The following SHROOM3 variants were observed in gnomAD, a reference collection of about 807,000 sequenced individuals.
SHROOM3 encodes shroom family member 3.
A neutral mutation model predicts 138.6 loss-of-function variants in SHROOM3; 47 were observed. The ratio of observed to expected loss-of-function variants is 0.34; its 90% CI spans 0.27 to 0.43. The LOEUF is 0.43. Ranked by LOEUF, SHROOM3 falls within the 20% of genes least tolerant of loss-of-function variation. SHROOM3 has a pLI of 1.00. For missense variants in SHROOM3, 2,491 were observed against 2,596.5 expected (o/e 0.96, Z 0.88); for synonymous variants, 1,062 against 1,063.3 (o/e 1.00, Z 0.02).
chr4:76,548,313 C>T (rs1019562277), intron 1 of SHROOM3, among the ~76,000 whole-genome samples: 1 of 152,132 alleles, frequency 6.6e-6, no homozygotes, highest in Non-Finnish European at 1.5e-5. Context: ...GGGAGGACTG[C>T]GGTTTCTCTT....
intron 1 of SHROOM3, among the ~76,000 whole-genome samples, chr4:76,450,360 A>G (rs1248558488): frequency 1.3e-5 from 2 of 152,214 alleles, no homozygotes; most frequent in Admixed American, 6.5e-5. Context: ...TAGAGTTACC[A>G]TATCACCCAA....
chr4:76,581,441 T>C (rs1462264345), intron 2 of SHROOM3, among the ~76,000 whole-genome samples: 1 of 152,220 alleles, frequency 6.6e-6, no homozygotes, highest in Non-Finnish European at 1.5e-5. Context: ...ATAAGTGGTT[T>C]ATGTCCTACA....
intron 1 of SHROOM3, among the ~76,000 whole-genome samples, chr4:76,456,260 C>T (rs976566684): frequency 1.3e-5 from 2 of 152,228 alleles, no homozygotes; most frequent in African/African-American, 4.8e-5. Flanking sequence ...CTGCCTCGGC[C>T]TCCCAAAGTG....
At chr4:76,656,248 T>C (rs1362157367) in intron 2 of SHROOM3, among the ~76,000 whole-genome samples, 1 of 152,174 alleles carries the variant, frequency 6.6e-6, no homozygotes, top group Non-Finnish European at 1.5e-5. Context: ...TTCCATCCCA[T>C]AGTATAAGCA....
intron 8 of SHROOM3, chr4:76,758,320 C>G (rs1721887096): frequency 1.3e-5 from 2 of 152,174 alleles, no homozygotes; most frequent in Admixed American, 1.3e-4. Context: ...TGTTCTCTGA[C>G]CACTGGCTGA....
intron 2 of SHROOM3, among the ~76,000 whole-genome samples, chr4:76,566,141 A>G (rs941982902): frequency 2.6e-5 from 4 of 152,070 alleles, no homozygotes; most frequent in African/African-American, 7.2e-5. Flanking sequence ...TCAAGAAAAA[A>G]CAATGGATGG....
chr4:76,724,971 C>T (rs1720657427), intron 3 of SHROOM3, among the ~76,000 whole-genome samples: 1 of 152,196 alleles, frequency 6.6e-6, no homozygotes, highest in African/African-American at 2.4e-5. Context: ...CAATTCTTCG[C>T]TTATTTCATC....
intron 2 of SHROOM3, among the ~76,000 whole-genome samples, chr4:76,558,695 C>A (rs1482810505): frequency 1.3e-5 from 2 of 152,150 alleles, no homozygotes; most frequent in Non-Finnish European, 2.9e-5. Flanking sequence ...TTGGAAAAGA[C>A]AACTATAAGT....
At chr4:76,470,100 T>G (rs1197726137) in intron 1 of SHROOM3, among the ~76,000 whole-genome samples, 1 of 152,190 alleles carries the variant, frequency 6.6e-6, no homozygotes, top group African/African-American at 2.4e-5. Flanking sequence ...CTCACTGATT[T>G]CTTACACCTC....
At chr4:76,647,773 G>A (rs1735857223) in intron 2 of SHROOM3, among the ~76,000 whole-genome samples, 1 of 152,078 alleles carries the variant, frequency 6.6e-6, no homozygotes, top group South Asian at 2.1e-4. Context: ...ATGTGCACCT[G>A]TAGTCCTAGC....
chr4:76,709,329 G>A (rs1219103634), intron 2 of SHROOM3, among the ~76,000 whole-genome samples: 1 of 152,142 alleles, frequency 6.6e-6, no homozygotes, highest in African/African-American at 2.4e-5. Flanking sequence ...TAAACCACTG[G>A]TTCCCCACAA....
rs769136050 is a variant in SHROOM3 at position 76,664,039 on chromosome 4, C to A, written c.324-46117C>A. Among the ~76,000 whole-genome samples, 12 of 152,188 alleles carry A rather than the reference C, an allele frequency of 7.9e-5. No individual in the cohort carries two copies. Among genetic ancestry groups the A allele is most frequent in the Non-Finnish European group, 1.5e-4 (10 of 68,038 alleles). On this transcript the variant is annotated intron_variant, in intron 2 of 10. Coordinates refer to ENST00000296043, the MANE Select transcript of SHROOM3 (RefSeq NM_020859.4). This position sits in a 1 kb window ranked among gnomAD's most constrained non-coding sequence, Gnocchi z 4.2. ...ACCAAGTATGTTTGGCTCTCATTTC[C>A]TGGCAGTTGAAAATAATAAACCAGA... is the stretch of plus-strand genomic sequence containing the variant.
At chr4:76,510,825 C>T (rs542524375) in intron 1 of SHROOM3, among the ~76,000 whole-genome samples, 2 of 152,220 alleles carry the variant, frequency 1.3e-5, no homozygotes, top group Admixed American at 1.3e-4. Flanking sequence ...GTCTTGGTTC[C>T]CTCATCAGTG....
chr4:76,622,237 C>T (rs548783215), intron 2 of SHROOM3, among the ~76,000 whole-genome samples: 2 of 152,116 alleles, frequency 1.3e-5, no homozygotes, highest in South Asian at 4.2e-4. Flanking sequence ...GGCACTTTTT[C>T]TTTGTGAATT....
intron 4 of SHROOM3, 88 bp downstream of exon 4, chr4:76,731,023 T>A: frequency 6.4e-7 from 1 of 1,553,710 alleles, no homozygotes; most frequent in Non-Finnish European, 8.8e-7. Context: ...GTTTTGAGAA[T>A]GTTTTTTCTT....
chr4:76,506,016 C>T (rs1407818593), intron 1 of SHROOM3, among the ~76,000 whole-genome samples: 9 of 151,998 alleles, frequency 5.9e-5, no homozygotes, highest in Admixed American at 5.2e-4. Flanking sequence ...AAATGTGGCA[C>T]ATATACACCA....
Position 76,435,937 on chromosome 4 carries a change from C to A in SHROOM3, c.-116C>A. 1.9e-6 allele frequency: 2 copies of A among 1,061,228 alleles called. No homozygotes were observed. The highest frequency in any genetic ancestry group is 2.7e-6 in the Non-Finnish European group (2 of 740,910). 65.7% of individuals were successfully genotyped at this position (1,061,228 alleles called of 1,614,324 possible). ...TATGGAAGAATTTGCTTCTCCAAAC[C>A]TCTCTTTTGGCCATTGTGTGTCCTG... On this transcript the variant is annotated 5_prime_UTR_variant, in exon 1 of 11. Transcript: ENST00000296043.
At chr4:76,692,642 A>C (rs1719588205) in intron 2 of SHROOM3, among the ~76,000 whole-genome samples, 2 of 152,250 alleles carry the variant, frequency 1.3e-5, no homozygotes, top group Admixed American at 1.3e-4. Flanking sequence ...TGGGTAAAGA[A>C]ACAGTGGCAC....
intron 1 of SHROOM3, among the ~76,000 whole-genome samples, chr4:76,546,819 C>A (rs1288549006): frequency 6.6e-6 from 1 of 152,206 alleles, no homozygotes; most frequent in Admixed American, 6.5e-5. Flanking sequence ...GCCCCTCAAT[C>A]ACATACCCCT....
Sources: gnomAD v4.1 joint callset for allele counts (sites outside exome capture counted in the v4.1 genomes callset) on GRCh38, gnomAD v4.1.1 for gene constraint, Gnocchi (gnomAD v3.1) non-coding constraint, MANE v1.5 for transcripts, NCBI Gene and HGNC (gene_info 2026-07-23, HGNC 2026-07-21) for gene names.